The following CNOT8 variants were observed in gnomAD, a reference collection of about 807,000 sequenced individuals.
CNOT8 encodes CCR4-NOT transcription complex subunit 8.
Under a neutral mutation model 34.6 loss-of-function variants are expected in CNOT8, and 18 were observed. That is an observed-to-expected ratio of 0.52 (90% CI 0.36 to 0.77). The LOEUF is 0.77. Ranked by LOEUF, CNOT8 falls within the 30% of genes least tolerant of loss-of-function variation. CNOT8 has a pLI of 0.00. For synonymous variants in CNOT8, 101 were observed against 118.8 expected (o/e 0.85, Z 0.98); for missense variants, 189 against 347.9 (o/e 0.54, Z 3.63).
At chr5:154,865,092 A>G (rs993663407) in intron 2 of CNOT8, 100 bp from the exon 3 acceptor site, 20 of 1,051,764 alleles carry the variant, frequency 1.9e-5, no homozygotes, top group Admixed American at 2.6e-5. Context: ...GGCTTGCCAC[A>G]TAACTTTTAT....
intron 1 of CNOT8, among the ~76,000 whole-genome samples, chr5:154,861,393 A>G (rs866314052): frequency 6.6e-6 from 1 of 152,226 alleles, no homozygotes; most frequent in East Asian, 1.9e-4. Flanking sequence ...CTGTGGAAGT[A>G]TAGGATACCT....
chr5:154,865,124 T>A, intron 2 of CNOT8, 68 bp from the exon 3 acceptor site: 1 of 1,262,516 alleles, frequency 7.9e-7, no homozygotes, highest in Non-Finnish European at 1.1e-6. Context: ...AAATTTTATT[T>A]ATGAATTACC....
At chr5:154,858,453 C>A (rs2113206746), upstream of CNOT8, 1 of 152,312 alleles carries the variant, frequency 6.6e-6, no homozygotes, top group Admixed American at 6.5e-5. Context: ...CACGGAGTCG[C>A]AGGGGCGCGC....
In CNOT8 at chr5:154,871,918, G is replaced by GAA. The variant is rs1561691802; in HGVS notation, c.618+50_618+51dup. ...AATACCAGTAACAAAAAGAAGGACA[G>GAA]AAAAAAAGCTGACTTTGCTTTATTG... On this transcript the variant is annotated intron_variant, in intron 5 of 6. Coordinates refer to ENST00000285896, the MANE Select transcript of CNOT8 (RefSeq NM_001301073.2). The GAA allele has an allele frequency of 7.1e-6, 11 of 1,559,196 alleles. 1 individual carries two copies. In the South Asian group the frequency reaches 1.2e-4, roughly 16 times the overall value.
chr5:154,870,409 T>A, intron 3 of CNOT8: 1 of 246,904 alleles, frequency 4.1e-6, no homozygotes, highest in African/African-American at 2.3e-5. Context: ...TTTTTTTAAA[T>A]AATGAGCAAA....
chr5:154,875,229 A>G, intron 6 of CNOT8, 61 bp from the exon 7 acceptor site: 2 of 1,578,818 alleles, frequency 1.3e-6, no homozygotes, highest in Non-Finnish European at 1.7e-6. Flanking sequence ...ATGTGATAAT[A>G]TTTATACTTG....
At chr5:154,874,298 C>T (rs530799725) in intron 6 of CNOT8, among the ~76,000 whole-genome samples, 2 of 151,964 alleles carry the variant, frequency 1.3e-5, no homozygotes, top group Non-Finnish European at 1.5e-5. Context: ...AGGTTTAGGC[C>T]GGGTGCGGTG....
At chr5:154,865,469 G>C in intron 3 of CNOT8, 84 bp downstream of exon 3, 1 of 891,572 alleles carries the variant, frequency 1.1e-6, no homozygotes, top group South Asian at 2.0e-5. Context: ...CGGTCAAGCA[G>C]AGGACGGAAC....
At position 154,870,837 on chromosome 5, in the gene CNOT8, ATG is replaced by A; in HGVS notation, c.473+19_473+20del. On this transcript the variant is annotated intron_variant, in intron 4 of 6. Transcript: ENST00000285896. ...TCATTTCATAGGTCAGTCCTAGGGA[ATG>A]TGTATTTCTCTCTCACTTTGGGCTA... 6.3e-7 allele frequency: 1 copy of A among 1,587,264 alleles called. No homozygotes were observed. Among genetic ancestry groups the A allele is most frequent in the African/African-American group, 1.4e-5 (1 of 74,052 alleles).
chr5:154,863,420 CTTCT>C (rs1416986796), intron 2 of CNOT8, 25 bp downstream of exon 2: 11 of 1,525,272 alleles, frequency 7.2e-6, no homozygotes, highest in African/African-American at 4.1e-5. Context: ...TCTGACTCAC[CTTCT>C]TTGTCACTTT....
chr5:154,864,305 A>G lies in CNOT8; in HGVS notation c.118-887A>G, dbSNP rs564459461. ...GAAACCCTGCCTCTACTAAAAATAC[A>G]AAAAATTAGCCGGGCATGGTGGTGG... On this transcript the variant is annotated intron_variant, in intron 2 of 6. Transcript: ENST00000285896. Among the ~76,000 whole-genome samples, 53 of 152,142 alleles carry G rather than the reference A, an allele frequency of 3.5e-4. No homozygotes were observed. The East Asian group carries it at 8.3e-3, about 24-fold the overall frequency.
intron 3 of CNOT8, chr5:154,870,426 C>A (rs192452472): frequency 3.0e-5 from 10 of 334,558 alleles, no homozygotes; most frequent in South Asian, 1.9e-4. Flanking sequence ...CAAATGTATA[C>A]CTATTATAAT....
In CNOT8 at chr5:154,872,760, T is replaced by A. The variant is rs772567222; in HGVS notation, c.729+109T>A. On this transcript the variant is annotated intron_variant, in intron 6 of 6. Coordinates refer to ENST00000285896, the MANE Select transcript of CNOT8 (RefSeq NM_001301073.2). Reference sequence around the variant, plus strand: ...GCTGAGGTTTGTTGAACATTTATTTTTTATTTATTTATTATTTATTTTTTT... The same window carrying A: ...GCTGAGGTTTGTTGAACATTTATTTATTATTTATTTATTATTTATTTTTTT... 6.8e-5 allele frequency: 29 copies of A among 426,196 alleles called. 1 individual carries two copies. The highest frequency in any genetic ancestry group is 1.2e-4 in the Non-Finnish European group (29 of 243,492). The allele number at this position is 426,196 out of a possible 1,614,324, so 26.4% of individuals were successfully genotyped here. A position where few individuals can be genotyped will look rare whatever the true frequency, so the allele number is the denominator to read the frequency against.
chr5:154,874,475 C>G (rs1762762230), intron 6 of CNOT8, among the ~76,000 whole-genome samples: 1 of 152,028 alleles, frequency 6.6e-6, no homozygotes, highest in Admixed American at 6.6e-5. Context: ...ACTCGGGAGG[C>G]TGAGGCAAGG....
At chr5:154,860,130 G>T (rs1008903782) in intron 1 of CNOT8, among the ~76,000 whole-genome samples, 1 of 152,116 alleles carries the variant, frequency 6.6e-6, no homozygotes, top group Non-Finnish European at 1.5e-5. Context: ...TACCTTTAGG[G>T]GCTGTGTTGT....
At chr5:154,872,006 A>G in intron 5 of CNOT8, 132 bp downstream of exon 5, 1 of 726,708 alleles carries the variant, frequency 1.4e-6, no homozygotes, top group Non-Finnish European at 2.2e-6. Context: ...AGGGTATAAT[A>G]TAAAGCTGAT....
chr5:154,865,561 T>A (rs1308463106), intron 3 of CNOT8, among the ~76,000 whole-genome samples, 176 bp downstream of exon 3: 1 of 152,196 alleles, frequency 6.6e-6, no homozygotes, highest in African/African-American at 2.4e-5. Context: ...ACTAAAAATG[T>A]GCAAAAGATA....
At chr5:154,872,965 C>T (rs570424144) in intron 6 of CNOT8, among the ~76,000 whole-genome samples, 81 of 152,236 alleles carry the variant, frequency 5.3e-4, no homozygotes, top group African/African-American at 1.9e-3. Flanking sequence ...GACAGGGTTT[C>T]GCCATGTTGG....
chr5:154,876,334 A>ATTAT lies in CNOT8; in HGVS notation c.*898_*901dup, dbSNP rs1165310219. On this transcript the variant is annotated 3_prime_UTR_variant, in exon 7 of 7. Coordinates refer to ENST00000285896, the MANE Select transcript of CNOT8 (RefSeq NM_001301073.2). ...CTGGATTCTCCCACTTCTCTACTCCATTATTTCTCTACTTTTCCTTCCAGC... is the reference window on the plus strand; with the variant it reads ...CTGGATTCTCCCACTTCTCTACTCCATTATTTATTTCTCTACTTTTCCTTCCAGC... 1 of 152,156 alleles carries ATTAT rather than the reference A, an allele frequency of 6.6e-6. No homozygotes were observed. The highest frequency in any genetic ancestry group is 1.5e-5 in the Non-Finnish European group (1 of 68,032). The allele number at this position is 152,156 out of a possible 1,614,324, so 9.4% of individuals were successfully genotyped here. A position where few individuals can be genotyped will look rare whatever the true frequency, so the allele number is the denominator to read the frequency against.
Sources: gnomAD v4.1 joint callset for allele counts (sites outside exome capture counted in the v4.1 genomes callset) on GRCh38, gnomAD v4.1.1 for gene constraint, MANE v1.5 for transcripts, NCBI Gene and HGNC (gene_info 2026-07-23, HGNC 2026-07-21) for gene names.